NSUN5: variants seen among roughly 807,000 people sequenced by gnomAD.
NSUN5 encodes NOP2/Sun RNA methyltransferase 5.
Under a neutral mutation model 51.1 loss-of-function variants are expected in NSUN5, and 39 were observed. That is an observed-to-expected ratio of 0.76 (90% CI 0.59 to 1.00). The LOEUF (loss-of-function observed/expected upper bound fraction) is 1.00. Ranked by LOEUF, NSUN5 falls within the 50% of genes least tolerant of loss-of-function variation. NSUN5 has a pLI of 0.00. For missense variants in NSUN5, 526 were observed against 614.0 expected (o/e 0.86, Z 1.51); for synonymous variants, 266 against 271.5 (o/e 0.98, Z 0.20).
rs147179514 is a variant in NSUN5, at chr7:73,308,466, G to A, written c.181C>T (p.Arg61Cys). Residue 61 changes from arginine (R) to cysteine (C), a missense_variant, in exon 2 of 10, where the codon CGT (arginine) becomes TGT (cysteine). By Grantham distance (180) the Arg-to-Cys change is radical. Transcript: ENST00000438747. ...TGCGGCCGCAGCTTCTTCTCCGCAC[G>A]GAGGAGGCCGGCGCTGGCGATCACA... ...DAVIASAGLL[R>C]AEKKLRPHLA... 1.7e-4 allele frequency: 269 copies of A among 1,607,502 alleles called. 1 individual carries two copies. In the African/African-American group the frequency reaches 3.3e-3, roughly 20 times the overall value.
chr7:73,308,818 G>A lies in NSUN5; in HGVS notation c.-28C>T, dbSNP rs1804164967. On this transcript the variant is annotated 5_prime_UTR_variant, in exon 1 of 10. Coordinates refer to ENST00000438747, the MANE Select transcript of NSUN5 (RefSeq NM_148956.4). Reference sequence around the variant, plus strand: ...TCCCGCGCGCCTTTACGGCTCTGTGGCAAAACGCACCCGGCTCGGCGCCCG... The same window carrying A: ...TCCCGCGCGCCTTTACGGCTCTGTGACAAAACGCACCCGGCTCGGCGCCCG... The A allele has an allele frequency of 1.2e-6, 2 of 1,604,008 alleles. No individual in the cohort carries two copies. Among genetic ancestry groups the A allele is most frequent in the East Asian group, 4.5e-5 (2 of 44,612 alleles).
rs782267463 is a variant in NSUN5 at position 73,307,674 on chromosome 7, C to T, written c.300G>A (p.Ala100=). ...RWKALLGRHQ[A]RLKAELARLK... is the part of the protein sequence containing the mutation. ...GCCGAGCCAACTCAGCCTTGAGCCT[C>T]GCCTGGTGCCGGCCCAACAGAGCCT... is the stretch of plus-strand genomic sequence containing the variant. The change falls in exon 3 of 10, where the codon GCG becomes GCA. Residue 100 remains alanine (A), a synonymous_variant. Coordinates refer to ENST00000438747, the MANE Select transcript of NSUN5 (RefSeq NM_148956.4). The T allele has an allele frequency of 4.3e-6, 7 of 1,612,480 alleles. No individual in the cohort carries two copies. Among genetic ancestry groups the T allele is most frequent in the African/African-American group, 2.7e-5 (2 of 74,686 alleles).
chr7:73,303,042 G>C lies in NSUN5; in HGVS notation c.*373C>G, dbSNP rs2115618478. ...CTCAGTTCCGCAGGCAGGACAGCCGGTCCGGGAACCCTGAGTGAGTGTGAG... is the reference window on the plus strand; with the variant it reads ...CTCAGTTCCGCAGGCAGGACAGCCGCTCCGGGAACCCTGAGTGAGTGTGAG... On this transcript the variant is annotated 3_prime_UTR_variant, in exon 10 of 10. Coordinates refer to ENST00000438747, the MANE Select transcript of NSUN5 (RefSeq NM_148956.4). 1 of 1,320,622 alleles carries C rather than the reference G, an allele frequency of 7.6e-7. No homozygotes were observed. Among genetic ancestry groups the C allele is most frequent in the East Asian group, 3.2e-5 (1 of 31,540 alleles). 81.8% of individuals were successfully genotyped at this position (1,320,622 alleles called of 1,614,324 possible).
At chr7:73,307,322 A>G (rs2115667922) in intron 4 of NSUN5, 72 bp downstream of exon 4, 1 of 1,109,176 alleles carries the variant, frequency 9.0e-7, no homozygotes, top group Non-Finnish European at 1.4e-6. Context: ...AGTCACAACT[A>G]TCCAGCCACT....
chr7:73,307,316 A>G, intron 4 of NSUN5, 78 bp downstream of exon 4: 1 of 1,054,662 alleles, frequency 9.5e-7, no homozygotes, highest in Non-Finnish European at 1.5e-6. Context: ...GAGCAAAGTC[A>G]CAACTATCCA....
chr7:73,308,585 G>T (rs782768827), intron 1 of NSUN5, 32 bp from the exon 2 acceptor site: 1 of 1,590,340 alleles, frequency 6.3e-7, no homozygotes, highest in Admixed American at 1.7e-5. Flanking sequence ...GCTGGGTGGG[G>T]GCTCCCCCGG....
intron 8 of NSUN5, 40 bp from the exon 9 acceptor site, chr7:73,303,780 C>T (rs4030984): frequency 4.3e-6 from 7 of 1,613,724 alleles, no homozygotes; most frequent in East Asian, 4.5e-5. Context: ...AAGAGAGCAG[C>T]TCACCCCGTC....
chr7:73,303,249 A>AT lies in NSUN5; in HGVS notation c.*165dup. 2 of 1,596,018 alleles carry AT rather than the reference A, an allele frequency of 1.3e-6. No homozygotes were observed. Among genetic ancestry groups the AT allele is most frequent in the South Asian group, 1.1e-5 (1 of 90,184 alleles). ...TATCGTAGAGTACGTTCTGCATTTT[A>AT]TTTTTGCAGGCAACACTTTGCTCAC... On this transcript the variant is annotated 3_prime_UTR_variant, in exon 10 of 10. Transcript: ENST00000438747.
intron 1 of NSUN5, 29 bp downstream of exon 1, chr7:73,308,669 C>T: frequency 6.2e-7 from 1 of 1,603,922 alleles, no homozygotes; most frequent in Non-Finnish European, 8.5e-7. Flanking sequence ...TCACTCCCCA[C>T]CCCTACTACT....
chr7:73,307,764 A>G lies in NSUN5; in HGVS notation c.217-7T>C. 1.3e-6 allele frequency: 2 copies of G among 1,540,050 alleles called. No individual in the cohort carries two copies. The highest frequency in any genetic ancestry group is 1.2e-5 in the South Asian group (1 of 83,762). Reference sequence around the variant, plus strand: ...ACAACTCATACACTAGCACCTGGGAATGAGGGAACAAAGACAAAAACAAAA... The same window carrying G: ...ACAACTCATACACTAGCACCTGGGAGTGAGGGAACAAAGACAAAAACAAAA... On this transcript the variant is annotated splice_polypyrimidine_tract_variant and splice_region_variant and intron_variant, in intron 2 of 9. Transcript: ENST00000438747.
Position 73,303,059 on chromosome 7 carries a change from G to C in NSUN5, c.*356C>G. The C allele has an allele frequency of 7.4e-7, 1 of 1,354,344 alleles. No homozygotes were observed. Among genetic ancestry groups the C allele is most frequent in the South Asian group, 1.7e-5 (1 of 59,594 alleles). The allele number at this position is 1,354,344 out of a possible 1,614,324, so 83.9% of individuals were successfully genotyped here. A position where few individuals can be genotyped will look rare whatever the true frequency, so the allele number is the denominator to read the frequency against. ...GACAGCCGGTCCGGGAACCCTGAGT[G>C]AGTGTGAGTGTGGATGTGTACAGTA... On this transcript the variant is annotated 3_prime_UTR_variant, in exon 10 of 10. Transcript: ENST00000438747.
At chr7:73,304,096 C>G in intron 7 of NSUN5, 60 bp from the exon 8 acceptor site, 1 of 1,591,134 alleles carries the variant, frequency 6.3e-7, no homozygotes, top group Admixed American at 1.7e-5. Flanking sequence ...CTGAAATCCT[C>G]GCTTCACAGA....
Position 73,304,858 on chromosome 7 carries a change from C to A in NSUN5, c.644G>T (p.Ser215Ile). ...AGHLILQDRA[S>I]CLPAMLLDPP... ...GTCCAGCAGCATGGCTGGGAGACAG[C>A]TGGCCTGGCAGGCAGAGCACAGGAG... is the stretch of plus-strand genomic sequence containing the variant. Residue 215 changes from serine (S) to isoleucine (I), a missense_variant, in exon 6 of 10, where the codon AGC (serine) becomes ATC (isoleucine). By Grantham distance (142) the Ser-to-Ile change is moderately radical. Transcript: ENST00000438747. 1 of 1,613,944 alleles carries A rather than the reference C, an allele frequency of 6.2e-7. No homozygotes were observed. Among genetic ancestry groups the A allele is most frequent in the Non-Finnish European group, 8.5e-7 (1 of 1,179,868 alleles).
rs782325636 is a variant in NSUN5, at chr7:73,304,347, G to T, written c.817C>A (p.Arg273=). ...AGTTCACAGCAAGAGACGCCAGCCC[G>T]GGCCAGCAGCGTGGCCATGGATGCC... ...RLASMATLLA[R]AGVSCCELAE... The change falls in exon 7 of 10, where the codon CGG becomes AGG. Residue 273 remains arginine (R), a synonymous_variant. Transcript: ENST00000438747. The T allele has an allele frequency of 1.2e-5, 19 of 1,614,050 alleles. No homozygotes were observed. The highest frequency in any genetic ancestry group is 1.6e-5 in the Non-Finnish European group (19 of 1,179,972).
chr7:73,303,009 T>C lies in NSUN5; in HGVS notation c.*406A>G. The stretch of plus-strand genomic sequence containing the variant: ...ACCCTCCTAGTGTCAGCACCTGAGC[T>C]AGTTTACCTCAGTTCCGCAGGCAGG... On this transcript the variant is annotated 3_prime_UTR_variant, in exon 10 of 10. Coordinates refer to ENST00000438747, the MANE Select transcript of NSUN5 (RefSeq NM_148956.4). The C allele has an allele frequency of 6.4e-6, 8 of 1,251,440 alleles. No individual in the cohort carries two copies. The highest frequency in any genetic ancestry group is 8.1e-6 in the Non-Finnish European group (8 of 988,936). The allele number at this position is 1,251,440 out of a possible 1,614,324, so 77.5% of individuals were successfully genotyped here. A position where few individuals can be genotyped will look rare whatever the true frequency, so the allele number is the denominator to read the frequency against.
chr7:73,307,854 G>T, intron 2 of NSUN5, 97 bp from the exon 3 acceptor site: 1 of 1,078,994 alleles, frequency 9.3e-7, no homozygotes. Flanking sequence ...CAATGGAATG[G>T]CTAAACAGAT....
chr7:73,306,725 C>T (rs1370377548), intron 4 of NSUN5, among the ~76,000 whole-genome samples: 2 of 152,030 alleles, frequency 1.3e-5, no homozygotes, highest in Non-Finnish European at 2.9e-5. Context: ...ACTGCAAATA[C>T]AAAAATTAGC....
At position 73,304,282 on chromosome 7, in the gene NSUN5, T is replaced by G. The variant is rs1803942151; in HGVS notation, c.882A>C (p.Pro294=). 6.2e-7 allele frequency: 1 copy of G among 1,614,128 alleles called. No individual in the cohort carries two copies. The highest frequency in any genetic ancestry group is 8.5e-7 in the Non-Finnish European group (1 of 1,180,004). ...EDFLAVSPSD[P]RYHEVHYILL... is the part of the protein sequence containing the mutation. ...GGATGTAGTGGACCTCATGGTAGCG[T>G]GGATCCGAGGGGGAGACCGCCAGGA... The change falls in exon 7 of 10, where the codon CCA becomes CCC. Residue 294 remains proline, a synonymous_variant. Coordinates refer to ENST00000438747, the MANE Select transcript of NSUN5 (RefSeq NM_148956.4).
chr7:73,303,766 G>A (rs1554541188), intron 8 of NSUN5, 26 bp from the exon 9 acceptor site: 5 of 1,613,696 alleles, frequency 3.1e-6, no homozygotes, highest in Non-Finnish European at 4.2e-6. Context: ...CCCCAATGCT[G>A]GGTAAGAGAG....
Sources: gnomAD v4.1 joint callset for allele counts (sites outside exome capture counted in the v4.1 genomes callset) on GRCh38, gnomAD v4.1.1 for gene constraint, MANE v1.5 for transcripts, NCBI Gene and HGNC (gene_info 2026-07-23, HGNC 2026-07-21) for gene names.